Variants in SAMD4A observed in about 807,000 individuals in gnomAD.
SAMD4A encodes the protein protein Smaug homolog 1.
A neutral mutation model predicts 81.3 loss-of-function variants in SAMD4A; 33 were observed. That is an observed-to-expected ratio of 0.41 (90% confidence interval 0.31 to 0.54). The LOEUF (loss-of-function observed/expected upper bound fraction) is 0.54. Ranked by LOEUF, SAMD4A falls within the 20% of genes least tolerant of loss-of-function variation. The pLI is 0.37. For synonymous variants in SAMD4A, 389 were observed against 382.1 expected (o/e 1.02, Z -0.21); for missense variants, 854 against 951.1 (o/e 0.90, Z 1.34).
chr14:54,760,948 C>G (rs1401861487), intron 7 of SAMD4A, among the ~76,000 whole-genome samples: 1 of 152,034 alleles, frequency 6.6e-6, no homozygotes, highest in African/African-American at 2.4e-5. Flanking sequence ...TCTCCCTGTG[C>G]AGAAAAATGC....
chr14:54,663,724 G>T (rs981952759), intron 2 of SAMD4A, among the ~76,000 whole-genome samples: 1 of 152,174 alleles, frequency 6.6e-6, no homozygotes, highest in Admixed American at 6.6e-5. Flanking sequence ...TAGATAATTA[G>T]CTCTTTCTTT....
At chr14:54,781,374 T>C (rs376427614) in intron 11 of SAMD4A, among the ~76,000 whole-genome samples, 46 of 152,234 alleles carry the variant, frequency 3.0e-4, no homozygotes, top group African/African-American at 1.1e-3. Context: ...TCATTAGGGA[T>C]GGGTAGCATT....
intron 4 of SAMD4A, among the ~76,000 whole-genome samples, chr14:54,741,520 A>G (rs2037842910): frequency 6.6e-6 from 1 of 152,234 alleles, no homozygotes; most frequent in Non-Finnish European, 1.5e-5. Flanking sequence ...ACCTGCTGAG[A>G]GAAACTTTGG....
chr14:54,625,986 ATACT>A (rs1555337565), intron 2 of SAMD4A, among the ~76,000 whole-genome samples: 1 of 151,586 alleles, frequency 6.6e-6, no homozygotes, highest in Non-Finnish European at 1.5e-5. Context: ...ACTGTGGGAC[ATACT>A]TACAGAATAG....
At chr14:54,714,328 G>A (rs2037066046) in intron 3 of SAMD4A, among the ~76,000 whole-genome samples, 1 of 152,134 alleles carries the variant, frequency 6.6e-6, no homozygotes, top group African/African-American at 2.4e-5. Flanking sequence ...CACTCACACT[G>A]AATTCAACAG....
intron 2 of SAMD4A, among the ~76,000 whole-genome samples, chr14:54,638,815 G>A (rs2035098097): frequency 6.6e-6 from 1 of 152,186 alleles, no homozygotes; most frequent in Admixed American, 6.5e-5. Flanking sequence ...AAATTGAAAA[G>A]TTCATTTTAT....
At chr14:54,631,735 T>C (rs1426833554) in intron 2 of SAMD4A, among the ~76,000 whole-genome samples, 1 of 152,230 alleles carries the variant, frequency 6.6e-6, no homozygotes, top group East Asian at 1.9e-4. Flanking sequence ...TTGAGCTGTT[T>C]TCTTTTTCTT....
intron 6 of SAMD4A, among the ~76,000 whole-genome samples, chr14:54,759,616 G>A (rs2038337589): frequency 6.6e-6 from 1 of 152,200 alleles, no homozygotes; most frequent in Admixed American, 6.5e-5. Context: ...AGAAACTGAG[G>A]CACAAATTGG....
At position 54,776,497 on chromosome 14, in the gene SAMD4A, C is replaced by G. The variant is rs76661249; in HGVS notation, c.2001C>G (p.Pro667=). The change falls in exon 11 of 13, where the codon CCC becomes CCG. Residue 667 remains proline (P), a synonymous_variant. Coordinates refer to ENST00000554335, the MANE Select transcript of SAMD4A (RefSeq NM_015589.6). ...CAGTCCAGAGGACCCGCTCGCTGCC[C>G]GTGCACACTTCCCCACAGAACATGC... ...HSSVQRTRSL[P]VHTSPQNMLM... is the part of the protein sequence containing the mutation. 30 of 1,594,754 alleles carry G rather than the reference C, an allele frequency of 1.9e-5. No individual in the cohort carries two copies. The East Asian group carries it at 2.1e-4, about 11-fold the overall frequency.
chr14:54,739,055 C>CTTTTCTTTTTTTTTTT (rs5741994), intron 4 of SAMD4A, among the ~76,000 whole-genome samples: 12 of 97,348 alleles, frequency 1.2e-4, no homozygotes, highest in Non-Finnish European at 1.8e-4. Flanking sequence ...CTTTCCTTTT[C>CTTTTCTTTTTTTTTTT]TTTTTTTTTT....
intron 2 of SAMD4A, among the ~76,000 whole-genome samples, chr14:54,571,594 A>G (rs1306509180): frequency 2.0e-5 from 3 of 152,248 alleles, no homozygotes; most frequent in Admixed American, 6.5e-5. Context: ...AACCCACAAA[A>G]TATACACTAT....
At chr14:54,636,399 A>T (rs2035036422) in intron 2 of SAMD4A, among the ~76,000 whole-genome samples, 1 of 152,188 alleles carries the variant, frequency 6.6e-6, no homozygotes, top group African/African-American at 2.4e-5. Context: ...TTGTAGGCTA[A>T]GTGTAAGCCC....
chr14:54,733,811 C>A (rs2037619888), intron 3 of SAMD4A, among the ~76,000 whole-genome samples: 1 of 150,384 alleles, frequency 6.6e-6, no homozygotes, highest in Non-Finnish European at 1.5e-5. Context: ...ATTTACTACT[C>A]TTCCTGCCTA....
At chr14:54,769,873 G>T (rs928616485) in intron 8 of SAMD4A, among the ~76,000 whole-genome samples, 10 of 152,160 alleles carry the variant, frequency 6.6e-5, no homozygotes, top group African/African-American at 2.4e-4. Context: ...AAAAATGAGG[G>T]TTGTCAACAG....
chr14:54,774,141 C>T (rs1421240542), intron 9 of SAMD4A, among the ~76,000 whole-genome samples: 1 of 152,218 alleles, frequency 6.6e-6, no homozygotes, highest in African/African-American at 2.4e-5. Context: ...AGGCGCAAGG[C>T]GGCAGGCAGA....
intron 2 of SAMD4A, among the ~76,000 whole-genome samples, chr14:54,632,839 G>C (rs1323905820): frequency 2.0e-5 from 3 of 152,138 alleles, no homozygotes; most frequent in African/African-American, 4.8e-5. Context: ...AACTCATAAG[G>C]TTGTTGTTAG....
At chr14:54,740,330 G>C (rs1361596911) in intron 4 of SAMD4A, among the ~76,000 whole-genome samples, 2 of 152,200 alleles carry the variant, frequency 1.3e-5, no homozygotes, top group African/African-American at 4.8e-5. Flanking sequence ...GTACTTGCTG[G>C]TCCACTTTGG....
intron 2 of SAMD4A, among the ~76,000 whole-genome samples, chr14:54,636,634 C>T (rs1254698293): frequency 6.6e-6 from 1 of 152,188 alleles, no homozygotes; most frequent in East Asian, 1.9e-4. Context: ...TGAAAGTGGT[C>T]GTGCTCTGAA....
rs561826881 is a variant in SAMD4A, at chr14:54,593,653, G to GC, written c.196+25547dup. Among the ~76,000 whole-genome samples the GC allele has an allele frequency of 1.9e-3, 285 of 152,206 alleles. 4 individuals are homozygous for GC. In the South Asian group the frequency reaches 0.027, roughly 14 times the overall value. ...TTCGCTTAATTTTGATTGAAAAATG[G>GC]CCCCCCTCTAAAGGCTGGAATAGTC... is the stretch of plus-strand genomic sequence containing the variant. On this transcript the variant is annotated intron_variant, in intron 2 of 12. Transcript: ENST00000554335.
Sources: allele counts gnomAD v4.1 joint callset (sites outside exome capture counted in the v4.1 genomes callset), GRCh38; gene constraint gnomAD v4.1.1; transcripts MANE v1.5; gene names NCBI Gene and HGNC (gene_info 2026-07-23, HGNC 2026-07-21).